Variants in NEMF observed in about 807,000 individuals in gnomAD.
NEMF encodes ribosome quality control complex subunit NEMF.
A neutral mutation model predicts 162.2 loss-of-function variants in NEMF; 89 were observed. The observed-to-expected ratio is 0.55, with a 90% CI of 0.46 to 0.65. NEMF has a LOEUF of 0.65. NEMF is among the 30% of genes least tolerant of loss of function. The probability of loss-of-function intolerance (pLI) is 0.00; values close to 1 mark genes in which losing one functional copy is unlikely to be tolerated. For missense variants in NEMF, 1,133 were observed against 1,261.9 expected (o/e 0.90, Z 1.55); for synonymous variants, 421 against 404.5 (o/e 1.04, Z -0.49).
chr14:49,826,986 G>C (rs1442732464), intron 15 of NEMF, among the ~76,000 whole-genome samples: 1 of 152,164 alleles, frequency 6.6e-6, no homozygotes, highest in Admixed American at 6.5e-5. Context: ...CAAAGACCCT[G>C]AGAGGGGAGC....
At chr14:49,812,150 ATATC>A (rs1285180593) in intron 18 of NEMF, among the ~76,000 whole-genome samples, 1 of 151,996 alleles carries the variant, frequency 6.6e-6, no homozygotes, top group Non-Finnish European at 1.5e-5. Context: ...TTTAGTATTT[ATATC>A]TTTCTAGGAA....
intron 16 of NEMF, among the ~76,000 whole-genome samples, chr14:49,815,562 TACTTA>T (rs1891675668): frequency 6.6e-6 from 1 of 152,202 alleles, no homozygotes; most frequent in Non-Finnish European, 1.5e-5. Flanking sequence ...TAAGCACAGA[TACTTA>T]ACTTAAACTC....
intron 16 of NEMF, among the ~76,000 whole-genome samples, chr14:49,824,197 A>G (rs1892226387): frequency 6.6e-6 from 1 of 151,636 alleles, no homozygotes; most frequent in African/African-American, 2.4e-5. Flanking sequence ...TAAAATATCA[A>G]CTATCAAAAT....
intron 18 of NEMF, 107 bp downstream of exon 18, chr14:49,813,881 G>C: frequency 1.4e-6 from 1 of 690,220 alleles, no homozygotes; most frequent in Non-Finnish European, 2.6e-6. Context: ...TGGGATTACA[G>C]GCATGAGCCA....
chr14:49,827,128 G>C (rs1892393825), intron 15 of NEMF, among the ~76,000 whole-genome samples: 1 of 152,176 alleles, frequency 6.6e-6, no homozygotes, highest in Non-Finnish European at 1.5e-5. Context: ...GAAGGGCTCT[G>C]AATTGTATTA....
chr14:49,831,106 G>A (rs1053260991), intron 11 of NEMF, among the ~76,000 whole-genome samples, 193 bp downstream of exon 11: 1 of 152,120 alleles, frequency 6.6e-6, no homozygotes, highest in Non-Finnish European at 1.5e-5. Context: ...TGAAACAAAT[G>A]AGGACATACT....
chr14:49,805,176 G>T (rs1432015550), intron 19 of NEMF, among the ~76,000 whole-genome samples: 1 of 152,094 alleles, frequency 6.6e-6, no homozygotes, highest in Non-Finnish European at 1.5e-5. Flanking sequence ...CAATATCACA[G>T]CACAGCATAT....
intron 18 of NEMF, among the ~76,000 whole-genome samples, chr14:49,808,247 A>C (rs1444211092): frequency 6.6e-6 from 1 of 152,128 alleles, no homozygotes; most frequent in Non-Finnish European, 1.5e-5. Flanking sequence ...ATCTCAGCTC[A>C]CTGCAACCTT....
chr14:49,818,068 T>C (rs1409730114), intron 16 of NEMF, among the ~76,000 whole-genome samples: 2 of 147,380 alleles, frequency 1.4e-5, no homozygotes, highest in African/African-American at 2.5e-5. Context: ...GGAAAACAAA[T>C]GGACAAGTGA....
rs777409768 is a variant in NEMF, at chr14:49,834,373, A to C, written c.651T>G (p.Leu217=). ...FSGNVKVDEK[L]ETKDIEKVLV... is the part of the protein sequence containing the mutation. ...ACCATGCAGACATACCTTTAGTTTC[A>C]AGTTTTTCATCCACTTTGACATTAC... The change falls in exon 7 of 33, where the codon CTT becomes CTG. Residue 217 remains leucine, a synonymous_variant. Transcript: ENST00000298310. The C allele has an allele frequency of 2.5e-6, 4 of 1,600,096 alleles. No homozygotes were observed. The highest frequency in any genetic ancestry group is 3.4e-6 in the Non-Finnish European group (4 of 1,167,292).
chr14:49,790,499 GA>G (rs1298764558), intron 26 of NEMF, among the ~76,000 whole-genome samples: 1 of 152,142 alleles, frequency 6.6e-6, no homozygotes, highest in Non-Finnish European at 1.5e-5. Flanking sequence ...TTAAATGACT[GA>G]AAAAAGAAAA....
chr14:49,846,365 A>T, intron 3 of NEMF, 100 bp from the exon 4 acceptor site: 1 of 1,102,486 alleles, frequency 9.1e-7, no homozygotes, highest in Admixed American at 2.3e-5. Flanking sequence ...CATCAGGAAT[A>T]TTTAAAACGT....
chr14:49,851,018 A>G (rs1566717394), intron 3 of NEMF, among the ~76,000 whole-genome samples: 1 of 152,198 alleles, frequency 6.6e-6, no homozygotes, highest in Non-Finnish European at 1.5e-5. Context: ...AGACTGGCCA[A>G]CATGGTGAAA....
chr14:49,802,798 A>T (rs1483512073), intron 20 of NEMF, 71 bp from the exon 21 acceptor site: 88 of 1,141,572 alleles, frequency 7.7e-5, no homozygotes, highest in Non-Finnish European at 1.1e-4. Flanking sequence ...AAACAAAAAA[A>T]AATTAGTGTC....
In NEMF at chr14:49,786,723, T is replaced by G; in HGVS notation, c.2923A>C (p.Asn975His). 6.2e-7 allele frequency: 1 copy of G among 1,613,026 alleles called. No homozygotes were observed. Among genetic ancestry groups the G allele is most frequent in the Non-Finnish European group, 8.5e-7 (1 of 1,179,112 alleles). The change falls in exon 29 of 33, where the codon AAT (asparagine) becomes CAT (histidine). Residue 975 changes from asparagine to histidine, a missense_variant. By Grantham distance (68) the Asn-to-His change is moderately conservative. Around this residue, in one of 3 missense-constraint regions of NEMF, gnomAD observed 532 missense variants for 578.6 expected, o/e 0.92. Coordinates refer to ENST00000298310, the MANE Select transcript of NEMF (RefSeq NM_004713.6). ...ACCCCAACATAAAATCATACCTCAT[T>G]TCCCTGTTGATCCAGATCTTGCTCT... ...KEEQDLDQQGNEENLFDSLTG... is the reference protein window; with the variant it reads ...KEEQDLDQQGHEENLFDSLTG...
Position 49,814,067 on chromosome 14 carries a change from T to A in NEMF, c.1682-17A>T. The A allele has an allele frequency of 7.1e-7, 1 of 1,417,500 alleles. No individual in the cohort carries two copies. Among genetic ancestry groups the A allele is most frequent in the African/African-American group, 1.4e-5 (1 of 70,422 alleles). 87.8% of individuals were successfully genotyped at this position (1,417,500 alleles called of 1,614,324 possible). The stretch of plus-strand genomic sequence containing the variant: ...AAATGTCTCCTTAAATACAGACAAA[T>A]AAAAAATGACACTTTAAGTCCTAAT... On this transcript the variant is annotated splice_polypyrimidine_tract_variant and intron_variant, in intron 17 of 32. Transcript: ENST00000298310.
At chr14:49,788,850 C>G (rs1023554615) in intron 28 of NEMF, among the ~76,000 whole-genome samples, 5 of 152,140 alleles carry the variant, frequency 3.3e-5, no homozygotes, top group African/African-American at 1.2e-4. Flanking sequence ...AGCCACCGTG[C>G]CAGGCCTCTC....
intron 16 of NEMF, among the ~76,000 whole-genome samples, chr14:49,815,186 G>A (rs922310227): frequency 2.0e-5 from 3 of 152,148 alleles, no homozygotes; most frequent in African/African-American, 7.2e-5. Context: ...CTTTCTTTTA[G>A]TGAGGCACTG....
chr14:49,788,376 A>G (rs915961061), intron 28 of NEMF, among the ~76,000 whole-genome samples: 5 of 152,034 alleles, frequency 3.3e-5, no homozygotes, highest in African/African-American at 9.7e-5. Flanking sequence ...CAATTAGGCA[A>G]TCATCTTAGC....
Sources: allele counts gnomAD v4.1 joint callset (sites outside exome capture counted in the v4.1 genomes callset), GRCh38; gene constraint gnomAD v4.1.1; regional missense constraint gnomAD v4.1.1; transcripts MANE v1.5; gene names NCBI Gene and HGNC (gene_info 2026-07-23, HGNC 2026-07-21).